KLK12: variants seen among roughly 807,000 people sequenced by gnomAD.
KLK12 encodes the protein kallikrein-12.
KLK12 carries 23 observed loss-of-function variants against 20.0 expected under a neutral mutation model. That is an observed-to-expected ratio of 1.15 (90% CI 0.83 to 1.63). KLK12 has a LOEUF of 1.63. KLK12 is among the 40% of genes most tolerant of loss of function. The pLI, the probability that KLK12 is intolerant of heterozygous loss-of-function variation, is 0.00. For synonymous variants in KLK12, 147 were observed against 141.9 expected (o/e 1.04, Z -0.25); for missense variants, 351 against 338.6 (o/e 1.04, Z -0.29).
At position 51,029,361 on chromosome 19, in the gene KLK12, C is replaced by CTCCAGG; in HGVS notation, c.682_687dup (p.Pro228_Gly229dup). 6.2e-7 allele frequency: 1 copy of CTCCAGG among 1,613,254 alleles called. No individual in the cohort carries two copies. The highest frequency in any genetic ancestry group is 8.5e-7 in the Non-Finnish European group (1 of 1,179,708). ...ACATACTTGCAAATATAGGTGTAGA[C>CTCCAGG]TCCAGGGATGCCATCTTGTCCACAG... On this transcript the variant is annotated inframe_insertion, in exon 6 of 6. Transcript: ENST00000684732.
In KLK12 at chr19:51,029,323, C is replaced by G. The variant is rs771658265; in HGVS notation, c.726G>C (p.Arg242=). ...CAGGTCAGTTGTTCCTCATGATCAT[C>G]CGGATCCAGTCCACATACTTGCAAA... ...TYICKYVDWI[R]MIMRNN The change falls in exon 6 of 6, where the codon CGG becomes CGC. Residue 242 remains arginine, a synonymous_variant. Coordinates refer to ENST00000684732, the MANE Select transcript of KLK12 (RefSeq NM_001370125.1). 28 of 1,614,114 alleles carry G rather than the reference C, an allele frequency of 1.7e-5. No individual in the cohort carries two copies. The highest frequency in any genetic ancestry group is 2.3e-5 in the Non-Finnish European group (27 of 1,180,028).
At chr19:51,032,907 C>T (rs1402680472) in intron 3 of KLK12, among the ~76,000 whole-genome samples, 2 of 152,028 alleles carry the variant, frequency 1.3e-5, no homozygotes, top group African/African-American at 4.8e-5. Context: ...TGCATCTGAT[C>T]TCCCCTTTCA....
At chr19:51,031,836 A>T (rs1189362157) in intron 4 of KLK12, 40 bp downstream of exon 4, 3 of 1,607,200 alleles carry the variant, frequency 1.9e-6, no homozygotes, top group Non-Finnish European at 2.6e-6. Context: ...CCAGACTTGT[A>T]CCCATCCTGA....
rs546113995 is a variant in KLK12 at position 51,034,896 on chromosome 19, T to G, written c.-110A>C. The G allele has an allele frequency of 2.2e-6, 3 of 1,365,606 alleles. No homozygotes were observed. In the South Asian group the frequency reaches 4.7e-5, roughly 22 times the overall value. 84.6% of individuals were successfully genotyped at this position (1,365,606 alleles called of 1,614,324 possible). The stretch of plus-strand genomic sequence containing the variant: ...ATCTCTCCGTCCACCTACCTGCCTG[T>G]CTTCTCATGTGCTGGCCACTCCGCC... On this transcript the variant is annotated 5_prime_UTR_variant, in exon 1 of 6. Coordinates refer to ENST00000684732, the MANE Select transcript of KLK12 (RefSeq NM_001370125.1).
intron 5 of KLK12, 59 bp from the exon 6 acceptor site, chr19:51,029,516 C>T: frequency 1.4e-6 from 2 of 1,415,644 alleles, no homozygotes; most frequent in Non-Finnish European, 2.0e-6. Flanking sequence ...TGTTTTCCTC[C>T]CCAACCCTTC....
At chr19:51,031,189 C>T (rs777065860) in intron 4 of KLK12, among the ~76,000 whole-genome samples, 2 of 152,130 alleles carry the variant, frequency 1.3e-5, no homozygotes, top group Non-Finnish European at 2.9e-5. Context: ...TCAGAGACAA[C>T]GAATCCAGAC....
In KLK12 at chr19:51,034,871, A is replaced by G. The variant is rs1367560365; in HGVS notation, c.-85T>C. On this transcript the variant is annotated 5_prime_UTR_variant, in exon 1 of 6. It removes the in-frame stop codon of an upstream open reading frame in the 5' UTR. Transcript: ENST00000684732. ...TGTTTGGCCTGTCCTCGTCGCTGCT[A>G]TCTCTCCGTCCACCTACCTGCCTGT... 1.4e-6 allele frequency: 2 copies of G among 1,385,984 alleles called. No individual in the cohort carries two copies. The highest frequency in any genetic ancestry group is 1.9e-6 in the Non-Finnish European group (2 of 1,068,012). 85.9% of individuals were successfully genotyped at this position (1,385,984 alleles called of 1,614,324 possible). A position where few individuals can be genotyped will look rare whatever the true frequency, so the allele number is the denominator to read the frequency against.
In KLK12 at chr19:51,029,249, G is replaced by A. The variant is rs369449693; in HGVS notation, c.*53C>T. 2 of 1,614,012 alleles carry A rather than the reference G, an allele frequency of 1.2e-6. No individual in the cohort carries two copies. The highest frequency in any genetic ancestry group is 1.3e-5 in the African/African-American group (1 of 74,894). On this transcript the variant is annotated 3_prime_UTR_variant, in exon 6 of 6. Transcript: ENST00000684732. ...GATGGAGGAGATATTGGTGCTCTGA[G>A]GGCCAGAGGGGTACCCAAGTTAAGG... is the stretch of plus-strand genomic sequence containing the variant.
At position 51,029,283 on chromosome 19, in the gene KLK12, T is replaced by C. The variant is rs2091525290; in HGVS notation, c.*19A>G. 1.2e-6 allele frequency: 2 copies of C among 1,611,830 alleles called. No homozygotes were observed. The highest frequency in any genetic ancestry group is 8.5e-7 in the Non-Finnish European group (1 of 1,179,360). ...GGGTACCCAAGTTAAGGGGTGGGGG[T>C]GGAGGTGGAGGAAACAGGTCAGTTG... On this transcript the variant is annotated 3_prime_UTR_variant, in exon 6 of 6. Coordinates refer to ENST00000684732, the MANE Select transcript of KLK12 (RefSeq NM_001370125.1).
intron 4 of KLK12, 173 bp downstream of exon 4, chr19:51,031,703 C>T (rs2091559444): frequency 1.2e-6 from 1 of 805,194 alleles, no homozygotes; most frequent in African/African-American, 1.7e-5. Context: ...CCCTTTGGCT[C>T]CCAAGACCCC....
At chr19:51,032,911 C>T (rs1349735142) in intron 3 of KLK12, among the ~76,000 whole-genome samples, 1 of 152,020 alleles carries the variant, frequency 6.6e-6, no homozygotes, top group Non-Finnish European at 1.5e-5. Flanking sequence ...TCTGATCTCC[C>T]CTTTCACAAA....
chr19:51,034,707 T>C, intron 1 of KLK12, 67 bp from the exon 2 acceptor site: 2 of 1,556,170 alleles, frequency 1.3e-6, no homozygotes, highest in Non-Finnish European at 1.7e-6. Context: ...CCTCTCTGCT[T>C]CTCTTTGAAG....
chr19:51,032,418 G>A (rs553924793), intron 3 of KLK12, among the ~76,000 whole-genome samples: 8 of 121,862 alleles, frequency 6.6e-5, no homozygotes, highest in South Asian at 5.1e-4. Context: ...ACCGAGTCTC[G>A]CTCTGTCGCC....
At position 51,029,345 on chromosome 19, in the gene KLK12, C is replaced by T. The variant is rs1359414714; in HGVS notation, c.704G>A (p.Cys235Tyr). ...CATCCGGATCCAGTCCACATACTTG[C>T]AAATATAGGTGTAGACTCCAGGGAT... ...DGIPGVYTYI[C>Y]KYVDWIRMIM... is the part of the protein sequence containing the mutation. The change falls in exon 6 of 6, where the codon TGC becomes TAC. Residue 235 changes from cysteine (C) to tyrosine (Y), a missense_variant. Transcript: ENST00000684732. 3.1e-6 allele frequency: 5 copies of T among 1,613,976 alleles called. No homozygotes were observed. Among genetic ancestry groups the T allele is most frequent in the Non-Finnish European group, 4.2e-6 (5 of 1,180,010 alleles).
chr19:51,031,423 C>T (rs1341143417), intron 4 of KLK12, among the ~76,000 whole-genome samples: 1 of 151,638 alleles, frequency 6.6e-6, no homozygotes, highest in African/African-American at 2.4e-5. Flanking sequence ...ACTTCGGGCC[C>T]CACACCCCAA....
At position 51,034,622 on chromosome 19, in the gene KLK12, G is replaced by C. The variant is rs750916712; in HGVS notation, c.-1C>G. ...GGAGCAAAAAGATGCTGAGCCCCAT[G>C]GTGGGTCACTTCCAAAGTCTGGGGG... On this transcript the variant is annotated 5_prime_UTR_variant, in exon 2 of 6. Transcript: ENST00000684732. The C allele has an allele frequency of 6.2e-7, 1 of 1,607,496 alleles. No homozygotes were observed. Among genetic ancestry groups the C allele is most frequent in the Admixed American group, 1.7e-5 (1 of 58,954 alleles).
At position 51,029,131 on chromosome 19, in the gene KLK12, C is replaced by A. The variant is rs2091521909; in HGVS notation, c.*171G>T. On this transcript the variant is annotated 3_prime_UTR_variant, in exon 6 of 6. Transcript: ENST00000684732. ...TATATTTATTCCAGACTATTGCACACTTCTCTCACCCCGCTCGTGGGTCTT... is the reference window on the plus strand; with the variant it reads ...TATATTTATTCCAGACTATTGCACAATTCTCTCACCCCGCTCGTGGGTCTT... 6.2e-7 allele frequency: 1 copy of A among 1,612,210 alleles called. No individual in the cohort carries two copies. Among genetic ancestry groups the A allele is most frequent in the Non-Finnish European group, 8.5e-7 (1 of 1,178,356 alleles).
chr19:51,032,370 C>G (rs979333779), intron 3 of KLK12, among the ~76,000 whole-genome samples: 9 of 148,630 alleles, frequency 6.1e-5, no homozygotes, highest in African/African-American at 2.2e-4. Context: ...GCATCTGTGT[C>G]TCTCTCTCTC....
chr19:51,032,050 G>T lies in KLK12; in HGVS notation c.283C>A (p.His95Asn). 5 of 1,605,868 alleles carry T rather than the reference G, an allele frequency of 3.1e-6. No homozygotes were observed. The highest frequency in any genetic ancestry group is 4.2e-6 in the Non-Finnish European group (5 of 1,177,896). Residue 95 changes from histidine (H) to asparagine (N), a missense_variant, in exon 4 of 6, where the codon CAT (histidine) becomes AAT (asparagine). Coordinates refer to ENST00000684732, the MANE Select transcript of KLK12 (RefSeq NM_001370125.1). Reference sequence around the variant, plus strand: ...GTCGAGGCTCCCAGGTAGCCGGGATGGGTCACAGAGAAGCCGCTGTGCCGG... The same window carrying T: ...GTCGAGGCTCCCAGGTAGCCGGGATTGGTCACAGAGAAGCCGCTGTGCCGG... The part of the protein sequence containing the change: ...QIRHSGFSVT[H>N]PGYLGASTSH...
Sources: gnomAD v4.1 joint callset for allele counts (sites outside exome capture counted in the v4.1 genomes callset) on GRCh38, gnomAD v4.1.1 for gene constraint, MANE v1.5 for transcripts, NCBI Gene and HGNC (gene_info 2026-07-23, HGNC 2026-07-21) for gene names.